The following FHL2 variants were observed in gnomAD, a reference collection of about 807,000 sequenced individuals.
FHL2 encodes four and a half LIM domains protein 2.
Under a neutral mutation model 32.7 loss-of-function variants are expected in FHL2, and 20 were observed. The ratio of observed to expected loss-of-function variants is 0.61; its 90% CI spans 0.43 to 0.89. FHL2 has a LOEUF of 0.89. FHL2 is among the 40% of genes least tolerant of loss of function. The pLI is 0.00. For missense variants in FHL2, 311 were observed against 358.6 expected (o/e 0.87, Z 1.07); for synonymous variants, 123 against 128.1 (o/e 0.96, Z 0.27).
upstream of FHL2, chr2:105,399,570 A>G (rs748102505): frequency 2.0e-4 from 306 of 1,535,766 alleles, no homozygotes; most frequent in Non-Finnish European, 2.6e-4. Context: ...TCCACTACGG[A>G]GGGGACTAAA....
At chr2:105,377,877 T>C (rs930274734) in intron 3 of FHL2, 3 of 365,244 alleles carry the variant, frequency 8.2e-6, no homozygotes, top group Non-Finnish European at 1.6e-5. Flanking sequence ...TAGTTGCTTT[T>C]TACATGGTGG....
chr2:105,406,362 C>T (rs541949841), intron 1 of FHL2, among the ~76,000 whole-genome samples: 2 of 152,254 alleles, frequency 1.3e-5, no homozygotes, highest in African/African-American at 4.8e-5. Flanking sequence ...GTCATTGTCT[C>T]CATGGAGGGC....
At chr2:105,436,152 A>G (rs1342064207) in intron 1 of FHL2, among the ~76,000 whole-genome samples, 1 of 152,116 alleles carries the variant, frequency 6.6e-6, no homozygotes, top group Non-Finnish European at 1.5e-5. Flanking sequence ...TCCACATTTT[A>G]GTGTATTAGA....
intron 1 of FHL2, among the ~76,000 whole-genome samples, chr2:105,435,134 C>T (rs1242757529): frequency 6.6e-6 from 1 of 151,948 alleles, no homozygotes; most frequent in Non-Finnish European, 1.5e-5. Flanking sequence ...ATATTGCTTT[C>T]TAGTTTGAGT....
intron 4 of FHL2, among the ~76,000 whole-genome samples, chr2:105,370,006 A>T (rs1007578609): frequency 6.6e-6 from 1 of 152,202 alleles, no homozygotes; most frequent in Admixed American, 6.5e-5. Context: ...TCCTAACTGA[A>T]TCGCACACTC....
chr2:105,386,348 C>T lies in FHL2; in HGVS notation c.156+13G>A. On this transcript the variant is annotated intron_variant, in intron 3 of 6. Coordinates refer to ENST00000530340, the MANE Select transcript of FHL2 (RefSeq NM_001318895.3). Reference sequence around the variant, plus strand: ...GGGAGCGCCGGGGACCCGCAGAGGCCCGCAGCAGGTACCTTGCAGTCACAG... The same window carrying T: ...GGGAGCGCCGGGGACCCGCAGAGGCTCGCAGCAGGTACCTTGCAGTCACAG... 6.8e-6 allele frequency: 11 copies of T among 1,612,414 alleles called. No individual in the cohort carries two copies. The highest frequency in any genetic ancestry group is 9.3e-6 in the Non-Finnish European group (11 of 1,179,360).
intron 2 of FHL2, among the ~76,000 whole-genome samples, chr2:105,393,218 T>C (rs1304068824): frequency 1.3e-5 from 2 of 152,000 alleles, no homozygotes; most frequent in Non-Finnish European, 2.9e-5. Context: ...CATTTTCTCC[T>C]CCCCCTTTGA....
At chr2:105,391,501 T>G (rs1573357494) in intron 2 of FHL2, among the ~76,000 whole-genome samples, 1 of 151,858 alleles carries the variant, frequency 6.6e-6, no homozygotes, top group East Asian at 1.9e-4. Flanking sequence ...CAGAGTAGGG[T>G]AGGCAGAGAG....
chr2:105,384,199 C>T (rs1025811875), intron 3 of FHL2, among the ~76,000 whole-genome samples: 8 of 152,332 alleles, frequency 5.3e-5, no homozygotes, highest in South Asian at 4.1e-4. Flanking sequence ...CTGAACCTCT[C>T]ACCTACGTAA....
At chr2:105,395,123 A>G (rs528935158) in intron 2 of FHL2, among the ~76,000 whole-genome samples, 4 of 152,380 alleles carry the variant, frequency 2.6e-5, no homozygotes, top group South Asian at 4.1e-4. Flanking sequence ...CACACAGTCT[A>G]TGAAGGAGTT....
intron 1 of FHL2, among the ~76,000 whole-genome samples, chr2:105,404,693 C>T (rs1465661417): frequency 2.0e-5 from 3 of 152,182 alleles, no homozygotes; most frequent in Admixed American, 2.0e-4. Context: ...GTCAGACTTT[C>T]AGGAAAAGCT....
At chr2:105,358,081 C>G (rs1044081231), downstream of FHL2, 4 of 152,174 alleles carry the variant, frequency 2.6e-5, no homozygotes, top group Non-Finnish European at 5.9e-5. Flanking sequence ...CTCTGGTTTT[C>G]TGTGTTAAAC....
chr2:105,360,169 T>G (rs1680157031), downstream of FHL2: 1 of 151,794 alleles, frequency 6.6e-6, no homozygotes, highest in Non-Finnish European at 1.5e-5. Flanking sequence ...GGCATAATGG[T>G]GGGTGCCTGT....
intron 1 of FHL2, among the ~76,000 whole-genome samples, chr2:105,397,275 C>G (rs565374062): frequency 6.6e-6 from 1 of 152,204 alleles, no homozygotes; most frequent in East Asian, 1.9e-4. Context: ...CCCGGGAAAC[C>G]CTGAGTTAAA....
chr2:105,406,580 G>C (rs568961894), intron 1 of FHL2, among the ~76,000 whole-genome samples: 1 of 151,892 alleles, frequency 6.6e-6, no homozygotes, highest in Non-Finnish European at 1.5e-5. Flanking sequence ...TCTGTCTCAC[G>C]CTCTTTGCAT....
At chr2:105,415,627 A>C in intron 1 of FHL2, among the ~76,000 whole-genome samples, 1 of 152,260 alleles carries the variant, frequency 6.6e-6, no homozygotes, top group East Asian at 1.9e-4. Context: ...CACAGTTTGC[A>C]AGAACGAAAA....
chr2:105,373,128 C>A (rs1005225505), intron 4 of FHL2, among the ~76,000 whole-genome samples: 1 of 152,214 alleles, frequency 6.6e-6, no homozygotes, highest in Non-Finnish European at 1.5e-5. Context: ...TCGGCTCACA[C>A]CCTACGAATG....
upstream of FHL2, among the ~76,000 whole-genome samples, chr2:105,400,911 T>C (rs1363281751): frequency 6.6e-6 from 1 of 151,992 alleles, no homozygotes; most frequent in East Asian, 1.9e-4. Context: ...GACCCTGTGG[T>C]CATTCGATAG....
chr2:105,424,048 C>T (rs936251053), intron 1 of FHL2, among the ~76,000 whole-genome samples: 3 of 152,184 alleles, frequency 2.0e-5, no homozygotes, highest in African/African-American at 7.2e-5. Context: ...AACTAAAGAG[C>T]TTCTGAACAG....
Sources: gnomAD v4.1 joint callset for allele counts (sites outside exome capture counted in the v4.1 genomes callset) on GRCh38, gnomAD v4.1.1 for gene constraint, MANE v1.5 for transcripts, NCBI Gene and HGNC (gene_info 2026-07-23, HGNC 2026-07-21) for gene names.